NTRK3: variants seen among roughly 807,000 people sequenced by gnomAD.
The protein encoded by NTRK3 is neurotrophic receptor tyrosine kinase 3.
NTRK3 carries 24 observed loss-of-function variants against 91.7 expected under a neutral mutation model. The ratio of observed to expected loss-of-function variants is 0.26; its 90% CI spans 0.19 to 0.37. The LOEUF is 0.37. Among genes scored for constraint, NTRK3 ranks in the 10% least tolerant of loss-of-function variants. The pLI, the probability that NTRK3 is intolerant of heterozygous loss-of-function variation, is 1.00. For synonymous variants in NTRK3, 483 were observed against 404.0 expected (o/e 1.20, Z -2.34); for missense variants, 880 against 1,068.9 (o/e 0.82, Z 2.46).
chr15:88,239,088 A>G (rs1199850057), intron 3 of NTRK3, among the ~76,000 whole-genome samples: 1 of 152,216 alleles, frequency 6.6e-6, no homozygotes, highest in Non-Finnish European at 1.5e-5. Context: ...AGCTCCAGGA[A>G]GTGGAAAGAT....
intron 14 of NTRK3, among the ~76,000 whole-genome samples, chr15:87,995,111 A>G (rs2075593028): frequency 1.3e-5 from 2 of 152,220 alleles, no homozygotes; most frequent in Admixed American, 1.3e-4. Flanking sequence ...TAGGTTTAGG[A>G]GAACAAAAGT....
chr15:87,978,221 G>C (rs149425613), intron 14 of NTRK3: 5 of 230,652 alleles, frequency 2.2e-5, no homozygotes, highest in African/African-American at 1.1e-4. Flanking sequence ...TGGGGGAAGC[G>C]AGCCCCCTCT....
chr15:87,981,285 T>G (rs751096888), intron 14 of NTRK3: 59 of 1,593,272 alleles, frequency 3.7e-5, no homozygotes, highest in Non-Finnish European at 5.0e-5. Context: ...ATATATATAG[T>G]GAGTTGATGG....
exon 19 of NTRK3, chr15:87,862,811 T>A: frequency 4.3e-6 from 1 of 229,940 alleles, no homozygotes; most frequent in Non-Finnish European, 8.6e-6. Flanking sequence ...CACTCAGGGT[T>A]GAAGGGTGGA....
intron 17 of NTRK3, among the ~76,000 whole-genome samples, chr15:87,915,823 G>A (rs567155096): frequency 6.6e-6 from 1 of 150,480 alleles, no homozygotes; most frequent in East Asian, 1.9e-4. Context: ...AGAAGAAATT[G>A]TTTTTTTTTC....
chr15:88,144,744 T>C (rs938301432), intron 6 of NTRK3, among the ~76,000 whole-genome samples: 1 of 152,180 alleles, frequency 6.6e-6, no homozygotes, highest in South Asian at 2.1e-4. Flanking sequence ...GTTCCAAGGA[T>C]AAGACAGAAC....
intron 17 of NTRK3, among the ~76,000 whole-genome samples, chr15:87,890,596 C>A (rs2065807637): frequency 6.6e-6 from 1 of 151,734 alleles, no homozygotes; most frequent in Admixed American, 6.6e-5. Context: ...CACACACACA[C>A]ACACACACAC....
At chr15:87,898,190 C>T (rs902040834) in intron 17 of NTRK3, among the ~76,000 whole-genome samples, 1 of 152,180 alleles carries the variant, frequency 6.6e-6, no homozygotes, top group Non-Finnish European at 1.5e-5. Context: ...GCCCAATTAC[C>T]CTTACAATGA....
intron 16 of NTRK3, among the ~76,000 whole-genome samples, chr15:87,931,478 C>T (rs1484689050): frequency 6.6e-6 from 1 of 152,202 alleles, no homozygotes; most frequent in East Asian, 1.9e-4. Context: ...TCATTTAATA[C>T]TCATAGCAAC....
At chr15:88,157,680 G>A (rs1181490756) in intron 5 of NTRK3, among the ~76,000 whole-genome samples, 1 of 152,084 alleles carries the variant, frequency 6.6e-6, no homozygotes, top group Non-Finnish European at 1.5e-5. Context: ...CACCTCCCTT[G>A]GCCTACACGA....
intron 13 of NTRK3, among the ~76,000 whole-genome samples, chr15:88,076,672 T>TAAAAAAA (rs34053167): frequency 8.3e-6 from 1 of 120,410 alleles, no homozygotes; most frequent in Non-Finnish European, 1.8e-5. Context: ...TATACATATG[T>TAAAAAAA]AAAAAAAAAA....
At chr15:87,907,420 C>G (rs1203551016) in intron 17 of NTRK3, among the ~76,000 whole-genome samples, 1 of 152,094 alleles carries the variant, frequency 6.6e-6, no homozygotes, top group Non-Finnish European at 1.5e-5. Flanking sequence ...CTGAGAGAAC[C>G]TGGGAGGTTA....
intron 3 of NTRK3, among the ~76,000 whole-genome samples, chr15:88,216,666 G>T (rs766358955): frequency 6.6e-6 from 1 of 152,182 alleles, no homozygotes; most frequent in Non-Finnish European, 1.5e-5. Flanking sequence ...CCTCCATGAG[G>T]CACATCCCCT....
chr15:87,948,083 A>G (rs1435714155), intron 14 of NTRK3, among the ~76,000 whole-genome samples: 2 of 152,314 alleles, frequency 1.3e-5, no homozygotes, highest in Admixed American at 1.3e-4. Context: ...ATGGCAAGCA[A>G]GAGGAGCTAA....
chr15:88,191,508 A>T (rs1435035210), intron 3 of NTRK3, among the ~76,000 whole-genome samples: 1 of 152,216 alleles, frequency 6.6e-6, no homozygotes, highest in African/African-American at 2.4e-5. Flanking sequence ...CTTCAAAAAC[A>T]AGATTGCATA....
intron 3 of NTRK3, among the ~76,000 whole-genome samples, chr15:88,254,940 T>G (rs2053854687): frequency 6.6e-6 from 1 of 152,036 alleles, no homozygotes; most frequent in Admixed American, 6.6e-5. Flanking sequence ...GACTCTCCAG[T>G]CCCCAGCCCT....
chr15:88,104,025 G>A (rs1169500088), intron 13 of NTRK3, among the ~76,000 whole-genome samples: 1 of 152,152 alleles, frequency 6.6e-6, no homozygotes, highest in Non-Finnish European at 1.5e-5. Context: ...TTGCTATAAG[G>A]GACCTCCTCT....
chr15:88,103,646 C>T (rs750173694), intron 13 of NTRK3, among the ~76,000 whole-genome samples: 1 of 152,132 alleles, frequency 6.6e-6, no homozygotes, highest in East Asian at 1.9e-4. Context: ...CATCCACTCT[C>T]AGTAAGACTC....
chr15:88,193,859 C>T (rs112252961), intron 3 of NTRK3, among the ~76,000 whole-genome samples: 2 of 152,178 alleles, frequency 1.3e-5, no homozygotes, highest in Non-Finnish European at 2.9e-5. Flanking sequence ...GACTCCATGT[C>T]CTCCTCCAGC....
Sources: allele counts gnomAD v4.1 joint callset (sites outside exome capture counted in the v4.1 genomes callset), GRCh38; gene constraint gnomAD v4.1.1; transcripts MANE v1.5; gene names NCBI Gene and HGNC (gene_info 2026-07-23, HGNC 2026-07-21).